The following ZYG11A variants were observed in gnomAD, a reference collection of about 807,000 sequenced individuals.
ZYG11A encodes the protein protein zyg-11 homolog A.
Under a neutral mutation model 77.2 loss-of-function variants are expected in ZYG11A, and 62 were observed. The observed-to-expected ratio is 0.80, with a 90% confidence interval of 0.65 to 0.99. The LOEUF (loss-of-function observed/expected upper bound fraction) is 0.99, where lower values mean the gene tolerates loss of function less well. Ranked by LOEUF, ZYG11A falls within the 50% of genes least tolerant of loss-of-function variation. The pLI, the probability that ZYG11A is intolerant of heterozygous loss-of-function variation, is 0.00. For synonymous variants in ZYG11A, 315 were observed against 324.6 expected (o/e 0.97, Z 0.32); for missense variants, 828 against 896.8 (o/e 0.92, Z 0.98).
intron 13 of ZYG11A, among the ~76,000 whole-genome samples, chr1:52,891,163 G>A (rs2150025393): frequency 6.6e-6 from 1 of 152,066 alleles, no homozygotes; most frequent in East Asian, 1.9e-4. Context: ...GCCTTCCAAA[G>A]TGCTGGGATT....
At chr1:52,883,292 A>G (rs1646391479) in intron 11 of ZYG11A, among the ~76,000 whole-genome samples, 1 of 150,756 alleles carries the variant, frequency 6.6e-6, no homozygotes, top group Admixed American at 6.6e-5. Flanking sequence ...AAACACAATA[A>G]TTGTTGTGTT....
In ZYG11A at chr1:52,877,846, G is replaced by A; in HGVS notation, c.1704+3G>A. 1 of 1,551,228 alleles carries A rather than the reference G, an allele frequency of 6.4e-7. No homozygotes were observed. The highest frequency in any genetic ancestry group is 8.7e-7 in the Non-Finnish European group (1 of 1,146,872). On this transcript the variant is annotated splice_donor_region_variant and intron_variant, in intron 9 of 13. Transcript: ENST00000371528. ...AAATCTTCATCCAAGTCTTGGAGGT[G>A]GGAAGACAGGATTGAGTTTATATGT...
intron 13 of ZYG11A, among the ~76,000 whole-genome samples, chr1:52,892,564 T>C (rs906463584): frequency 6.7e-6 from 1 of 150,310 alleles, no homozygotes; most frequent in Middle Eastern, 3.4e-3. Context: ...AAGCATAGAG[T>C]TGTCTGGAAG....
intron 11 of ZYG11A, among the ~76,000 whole-genome samples, chr1:52,884,761 C>T (rs1218101082): frequency 2.0e-5 from 3 of 152,186 alleles, no homozygotes; most frequent in Admixed American, 1.3e-4. Flanking sequence ...GTTTTAACTC[C>T]AGACACACCC....
chr1:52,881,318 T>A (rs1182077716), intron 10 of ZYG11A, 153 bp from the exon 11 acceptor site: 2 of 548,486 alleles, frequency 3.6e-6, no homozygotes, highest in Non-Finnish European at 6.5e-6. Context: ...GGGAGTTGGA[T>A]TGTGGGTTTT....
chr1:52,868,340 T>C lies in ZYG11A; in HGVS notation c.1542+563T>C, dbSNP rs572091163. Among the ~76,000 whole-genome samples, 3 of 152,308 alleles carry C rather than the reference T, an allele frequency of 2.0e-5. No homozygotes were observed. In the East Asian group the frequency reaches 5.8e-4, roughly 29 times the overall value. On this transcript the variant is annotated intron_variant, in intron 8 of 13. Transcript: ENST00000371528. ...CAGTTTTAGGTGTTACTGATTTTGC[T>C]GCTACAGTAGATAAGAACTTAGCTC...
intron 13 of ZYG11A, among the ~76,000 whole-genome samples, chr1:52,887,531 G>A (rs188967371): frequency 9.2e-5 from 14 of 152,228 alleles, no homozygotes; most frequent in African/African-American, 3.4e-4. Flanking sequence ...GAGGCCAGGA[G>A]TCAGGGGTTA....
In ZYG11A at chr1:52,864,047, G is replaced by A. The variant is rs774430415; in HGVS notation, c.1216G>A (p.Ala406Thr). The A allele has an allele frequency of 1.1e-5, 17 of 1,551,700 alleles. No individual in the cohort carries two copies. Among genetic ancestry groups the A allele is most frequent in the South Asian group, 4.8e-5 (4 of 84,068 alleles). The change falls in exon 5 of 14, where the codon GCT becomes ACT. Residue 406 changes from alanine (A) to threonine (T), a missense_variant. Ala to Thr is a moderately conservative substitution (Grantham distance 58). Coordinates refer to ENST00000371528, the MANE Select transcript of ZYG11A (RefSeq NM_001004339.3). ...LRVQFTASAC[A>T]LNLTRQGLAK... ...AGTGCAGTTCACAGCCAGTGCTTGC[G>A]CTCTCAACCTAACACGCCAGGGCCT...
intron 8 of ZYG11A, among the ~76,000 whole-genome samples, chr1:52,871,093 G>T (rs1013600691): frequency 7.2e-5 from 11 of 152,124 alleles, no homozygotes; most frequent in African/African-American, 2.7e-4. Flanking sequence ...TGGCACACCT[G>T]CAAAGTATTT....
intron 8 of ZYG11A, among the ~76,000 whole-genome samples, chr1:52,874,207 C>T (rs926401411): frequency 3.3e-5 from 5 of 150,352 alleles, no homozygotes; most frequent in African/African-American, 1.2e-4. Flanking sequence ...GCTGAAGGCT[C>T]AGGTGGTTTA....
At chr1:52,843,079 T>C in intron 1 of ZYG11A, 106 bp downstream of exon 1, 1 of 998,024 alleles carries the variant, frequency 1.0e-6, no homozygotes, top group Non-Finnish European at 1.4e-6. Flanking sequence ...CTGGGGAGTG[T>C]GGCCCGCGCG....
intron 1 of ZYG11A, among the ~76,000 whole-genome samples, chr1:52,846,897 G>A (rs1269275630): frequency 6.6e-6 from 1 of 151,162 alleles, no homozygotes; most frequent in African/African-American, 2.4e-5. Context: ...GCCCAGGCTG[G>A]AGTGCAGTGG....
At chr1:52,878,925 G>T (rs1391356620) in intron 10 of ZYG11A, among the ~76,000 whole-genome samples, 2 of 128,326 alleles carry the variant, frequency 1.6e-5, no homozygotes, top group Admixed American at 8.9e-5. Flanking sequence ...ACTCCAGCCT[G>T]GGCAACAAGA....
At chr1:52,880,584 A>G (rs1248237332) in intron 10 of ZYG11A, among the ~76,000 whole-genome samples, 2 of 152,198 alleles carry the variant, frequency 1.3e-5, no homozygotes, top group Non-Finnish European at 2.9e-5. Context: ...ATATATATGT[A>G]TCTGTCTTGC....
In ZYG11A at chr1:52,852,495, G is replaced by T. The variant is rs558099529; in HGVS notation, c.91-1970G>T. ...TCTCCTGCCTCAAGGCTCCTGAGTA[G>T]GTGGGACTATAGATAGGCATGTGCC... On this transcript the variant is annotated intron_variant, in intron 1 of 13. Coordinates refer to ENST00000371528, the MANE Select transcript of ZYG11A (RefSeq NM_001004339.3). Among the ~76,000 whole-genome samples, 4 of 150,642 alleles carry T rather than the reference G, an allele frequency of 2.7e-5. No individual in the cohort carries two copies. In the East Asian group the frequency reaches 7.9e-4, roughly 30 times the overall value.
rs181329296 is a variant in ZYG11A, at chr1:52,873,394, A to G, written c.1543-4288A>G. ...TACCAGGAGTTCAGAAGTTGATTGG[A>G]ACCCTTGTGGATAACTTCGAGGGGT... On this transcript the variant is annotated intron_variant, in intron 8 of 13. Coordinates refer to ENST00000371528, the MANE Select transcript of ZYG11A (RefSeq NM_001004339.3). Among the ~76,000 whole-genome samples, 5 of 152,314 alleles carry G rather than the reference A, an allele frequency of 3.3e-5. No individual in the cohort carries two copies. The East Asian group carries it at 9.6e-4, about 29-fold the overall frequency.
intron 4 of ZYG11A, among the ~76,000 whole-genome samples, chr1:52,862,642 C>T (rs946744779): frequency 6.6e-6 from 1 of 152,082 alleles, no homozygotes; most frequent in African/African-American, 2.4e-5. Context: ...CTACAGTAAG[C>T]TATGATGGTG....
intron 3 of ZYG11A, among the ~76,000 whole-genome samples, chr1:52,860,443 G>A (rs1000528725): frequency 8.6e-5 from 13 of 152,016 alleles, no homozygotes; most frequent in East Asian, 3.9e-4. Context: ...GACTACAGGC[G>A]CCTGCCACCA....
In ZYG11A at chr1:52,860,813, T is replaced by C; in HGVS notation, c.1091T>C (p.Leu364Pro). The C allele has an allele frequency of 6.4e-7, 1 of 1,551,688 alleles. No homozygotes were observed. Residue 364 changes from leucine to proline, a missense_variant, in exon 4 of 14, where the codon CTC becomes CCC. Leu to Pro is a moderately conservative substitution (Grantham distance 98). Coordinates refer to ENST00000371528, the MANE Select transcript of ZYG11A (RefSeq NM_001004339.3). The part of the protein sequence containing the change: ...RNRSCFVKEA[L>P]HRLFTETFSM... ...AGATCATGTTTTGTGAAGGAAGCCC[T>C]CCACAGGCTGTTCACAGAGACATTT...
Sources: allele counts gnomAD v4.1 joint callset (sites outside exome capture counted in the v4.1 genomes callset), GRCh38; gene constraint gnomAD v4.1.1; transcripts MANE v1.5; gene names NCBI Gene and HGNC (gene_info 2026-07-23, HGNC 2026-07-21).